Variants in DOCK4 observed in about 807,000 individuals in gnomAD.
DOCK4 encodes the protein dedicator of cytokinesis protein 4.
Under a neutral mutation model 268.1 loss-of-function variants are expected in DOCK4, and 97 were observed. The ratio of observed to expected loss-of-function variants is 0.36; its 90% CI spans 0.31 to 0.43. The LOEUF (loss-of-function observed/expected upper bound fraction) is 0.43. DOCK4 is among the 20% of genes least tolerant of loss of function. DOCK4 has a pLI of 1.00. For missense variants in DOCK4, 2,145 were observed against 2,455.7 expected (o/e 0.87, Z 2.67); for synonymous variants, 954 against 887.2 (o/e 1.08, Z -1.34).
In DOCK4 at chr7:111,827,370, G is replaced by A. The variant is rs572507696; in HGVS notation, c.2836-4914C>T. Among the ~76,000 whole-genome samples the A allele has an allele frequency of 4.6e-5, 7 of 152,262 alleles. No individual in the cohort carries two copies. In the South Asian group the frequency reaches 1.5e-3, roughly 32 times the overall value. ...TTTGAAACAGGCAGGAATATTAAGA[G>A]CATGCATTCTTTCAACAAAGATTTA... is the stretch of plus-strand genomic sequence containing the variant. On this transcript the variant is annotated intron_variant, in intron 26 of 52. Transcript: ENST00000428084.
chr7:112,180,253 T>C (rs993084587), intron 1 of DOCK4, among the ~76,000 whole-genome samples: 1 of 151,978 alleles, frequency 6.6e-6, no homozygotes, highest in Admixed American at 6.5e-5. Context: ...CCCCGGCAGA[T>C]GCAAAACGAC....
chr7:111,933,752 T>A (rs1794465190), intron 12 of DOCK4, among the ~76,000 whole-genome samples: 1 of 152,168 alleles, frequency 6.6e-6, no homozygotes, highest in Non-Finnish European at 1.5e-5. Flanking sequence ...GATGCAGGAC[T>A]TTGTCCAAAG....
intron 1 of DOCK4, among the ~76,000 whole-genome samples, chr7:112,085,254 AT>A: frequency 6.6e-6 from 1 of 152,234 alleles, no homozygotes; most frequent in South Asian, 2.1e-4. Flanking sequence ...GCAATTTCAA[AT>A]TATCTTTCAT....
Position 111,913,599 on chromosome 7 carries a change from T to C in DOCK4, c.1192+2180A>G, listed in dbSNP as rs576627704. ...TAATTTTTTGTATTTTTAGTAGAGA[T>C]GGGGTTTCACCATGTTAGCCAGGAT... On this transcript the variant is annotated intron_variant, in intron 13 of 52. Transcript: ENST00000428084. 2.7e-4 allele frequency among the ~76,000 whole-genome samples: 41 copies of C among 150,762 alleles called. 1 individual carries two copies. In the South Asian group the frequency reaches 5.7e-3, roughly 21 times the overall value.
intron 30 of DOCK4, among the ~76,000 whole-genome samples, chr7:111,804,351 T>A (rs919395186): frequency 1.3e-5 from 2 of 152,202 alleles, no homozygotes; most frequent in African/African-American, 4.8e-5. Context: ...ATAAATTCTG[T>A]ATGATTCCAC....
intron 1 of DOCK4, among the ~76,000 whole-genome samples, chr7:112,145,675 C>A (rs1453519579): frequency 6.6e-6 from 1 of 152,122 alleles, no homozygotes; most frequent in Non-Finnish European, 1.5e-5. Context: ...TTCAACCTCC[C>A]TCTAGTAAGC....
chr7:112,006,048 G>A (rs777350471), intron 1 of DOCK4, among the ~76,000 whole-genome samples: 37 of 152,068 alleles, frequency 2.4e-4, no homozygotes, highest in Middle Eastern at 3.2e-3. Context: ...TTCTTTCTTA[G>A]CCCTCCTCTT....
At chr7:112,110,365 C>T (rs1811541129) in intron 1 of DOCK4, among the ~76,000 whole-genome samples, 1 of 152,118 alleles carries the variant, frequency 6.6e-6, no homozygotes, top group Admixed American at 6.5e-5. Flanking sequence ...GGATTGAGTC[C>T]AGGGTGATAT....
chr7:111,890,971 T>G (rs1808240315), intron 16 of DOCK4, among the ~76,000 whole-genome samples: 1 of 152,148 alleles, frequency 6.6e-6, no homozygotes, highest in Admixed American at 6.5e-5. Context: ...CTCATCAACC[T>G]TTGACATCAT....
Position 112,113,497 on chromosome 7 carries a change from C to T in DOCK4, c.37+92605G>A, listed in dbSNP as rs1811850373. On this transcript the variant is annotated intron_variant, in intron 1 of 52. Transcript: ENST00000428084. ...CTGTATCTTACTCCATAAAAGTCTC[C>T]CCCAAGTAGACAAGCTTTAATATGT... is the stretch of plus-strand genomic sequence containing the variant. Among the ~76,000 whole-genome samples the T allele has an allele frequency of 4.6e-5, 7 of 152,000 alleles. No individual in the cohort carries two copies. The South Asian group carries it at 1.5e-3, about 32-fold the overall frequency.
At position 111,741,535 on chromosome 7, in the gene DOCK4, C is replaced by T; in HGVS notation, c.4919+5G>A. ...AATTGTAAGATAATTTGGAATATGA[C>T]TTACCTGCGTCTAGGAATTACCCTG... On this transcript the variant is annotated splice_donor_5th_base_variant and intron_variant, in intron 46 of 52. Transcript: ENST00000428084. The T allele has an allele frequency of 6.2e-7, 1 of 1,612,294 alleles. No homozygotes were observed. The highest frequency in any genetic ancestry group is 1.1e-5 in the South Asian group (1 of 90,594).
At chr7:111,989,204 T>C (rs760417995) in intron 5 of DOCK4, 41 bp from the exon 6 acceptor site, 47 of 1,607,384 alleles carry the variant, frequency 2.9e-5, no homozygotes, top group Middle Eastern at 1.7e-4. Flanking sequence ...AGTCAGTACC[T>C]ATACTGAGTT....
At chr7:112,027,934 A>G (rs1802946872) in intron 1 of DOCK4, among the ~76,000 whole-genome samples, 1 of 152,228 alleles carries the variant, frequency 6.6e-6, no homozygotes, top group Non-Finnish European at 1.5e-5. Context: ...GAAACCAAAG[A>G]GTTACCATTC....
intron 26 of DOCK4, among the ~76,000 whole-genome samples, chr7:111,823,226 T>A (rs1186564106): frequency 4.0e-5 from 6 of 149,234 alleles, no homozygotes; most frequent in African/African-American, 1.5e-4. Context: ...TTTTTTTTTT[T>A]AGACGGAGTC....
intron 1 of DOCK4, among the ~76,000 whole-genome samples, chr7:112,090,087 T>G (rs373719019): frequency 6.6e-6 from 1 of 152,198 alleles, no homozygotes; most frequent in African/African-American, 2.4e-5. Context: ...CTTTCAAGGA[T>G]AAGCCCCTGG....
Position 111,732,598 on chromosome 7 carries a change from C to A in DOCK4, c.5420-311G>T, listed in dbSNP as rs918755426. On this transcript the variant is annotated intron_variant, in intron 51 of 52. Coordinates refer to ENST00000428084, the MANE Select transcript of DOCK4 (RefSeq NM_001363540.2). Reference sequence around the variant, plus strand: ...TTTCCCCAAAGTCCAGGTGCTTCTGCACTGCTTGATCTGTCTCATAAGGTG... The same window carrying A: ...TTTCCCCAAAGTCCAGGTGCTTCTGAACTGCTTGATCTGTCTCATAAGGTG... 27 of 379,078 alleles carry A rather than the reference C, an allele frequency of 7.1e-5. No individual in the cohort carries two copies. The Admixed American group carries it at 1.1e-3, about 16-fold the overall frequency. The allele number at this position is 379,078 out of a possible 1,614,324, so 23.5% of individuals were successfully genotyped here. A position where few individuals can be genotyped will look rare whatever the true frequency, so the allele number is the denominator to read the frequency against.
chr7:112,198,318 C>T (rs183285542), intron 1 of DOCK4, among the ~76,000 whole-genome samples: 1 of 152,170 alleles, frequency 6.6e-6, no homozygotes, highest in African/African-American at 2.4e-5. Flanking sequence ...TCACCAGGAA[C>T]TGACTCAGCC....
chr7:112,170,903 C>A (rs890811913), intron 1 of DOCK4, among the ~76,000 whole-genome samples: 1 of 152,160 alleles, frequency 6.6e-6, no homozygotes, highest in Non-Finnish European at 1.5e-5. Context: ...GTGCGATGAT[C>A]CCAGTCAGAC....
At chr7:111,895,461 A>C in intron 16 of DOCK4, 151 bp downstream of exon 16, 1 of 739,118 alleles carries the variant, frequency 1.4e-6, no homozygotes, top group East Asian at 2.6e-5. Flanking sequence ...CAATATAGAA[A>C]CAATACTTTG....
Sources: allele counts gnomAD v4.1 joint callset (sites outside exome capture counted in the v4.1 genomes callset), GRCh38; gene constraint gnomAD v4.1.1; transcripts MANE v1.5; gene names NCBI Gene and HGNC (gene_info 2026-07-23, HGNC 2026-07-21).